Variants in CDC42BPA observed in about 807,000 individuals in gnomAD.
The protein encoded by CDC42BPA is CDC42 binding protein kinase alpha, also known as serine/threonine-protein kinase MRCK alpha.
CDC42BPA carries 80 observed loss-of-function variants against 223.5 expected under a neutral mutation model. The ratio of observed to expected loss-of-function variants is 0.36; its 90% confidence interval spans 0.30 to 0.43. The LOEUF is 0.43. Ranked by LOEUF, CDC42BPA falls within the 20% of genes least tolerant of loss-of-function variation. The pLI, the probability that CDC42BPA is intolerant of heterozygous loss-of-function variation, is 1.00. For synonymous variants in CDC42BPA, 694 were observed against 718.6 expected, an observed-to-expected ratio of 0.97 and a Z score of 0.55; for missense variants, 1,743 against 2,099.9, an observed-to-expected ratio of 0.83 and a Z score of 3.32.
intron 35 of CDC42BPA, among the ~76,000 whole-genome samples, chr1:227,002,322 T>TAAC (rs10667049): frequency 1.3e-5 from 2 of 149,682 alleles, no homozygotes; most frequent in Admixed American, 1.3e-4. Context: ...AATAAAAAGA[T>TAAC]TAATAAAAGT....
chr1:227,089,969 A>C (rs917558125), intron 16 of CDC42BPA, among the ~76,000 whole-genome samples: 9 of 152,158 alleles, frequency 5.9e-5, no homozygotes, highest in African/African-American at 2.2e-4. Context: ...ATAGGACAAA[A>C]TGACATTAAA....
chr1:227,303,010 T>G (rs1188495009), intron 1 of CDC42BPA, among the ~76,000 whole-genome samples: 1 of 151,438 alleles, frequency 6.6e-6, no homozygotes, highest in Non-Finnish European at 1.5e-5. Flanking sequence ...TTTTTGGGTT[T>G]TTTTTTTTTT....
rs185178242 is a variant in CDC42BPA at position 227,191,541 on chromosome 1, A to G, written c.599+2245T>C. 9.2e-5 allele frequency among the ~76,000 whole-genome samples: 14 copies of G among 152,284 alleles called. No homozygotes were observed. The East Asian group carries it at 2.5e-3, about 27-fold the overall frequency. ...TAACAAGCCTGGCAGAATGAAAGAT[A>G]CTACAAATACCTCATATTTACTTTC... On this transcript the variant is annotated intron_variant, in intron 5 of 36. Coordinates refer to ENST00000366766, the MANE Select transcript of CDC42BPA (RefSeq NM_001394014.1).
chr1:227,058,174 ATAAT>A (rs1674991592), intron 21 of CDC42BPA, among the ~76,000 whole-genome samples: 2 of 152,260 alleles, frequency 1.3e-5, no homozygotes, highest in African/African-American at 4.8e-5. Flanking sequence ...CATAAACACA[ATAAT>A]TAATGAGATA....
chr1:227,110,785 T>A (rs1357489783), intron 14 of CDC42BPA, among the ~76,000 whole-genome samples: 1 of 152,212 alleles, frequency 6.6e-6, no homozygotes, highest in Admixed American at 6.5e-5. Context: ...TAACCAGGAC[T>A]ATGAATTCAT....
At chr1:227,185,500 AG>A (rs990841413) in intron 5 of CDC42BPA, among the ~76,000 whole-genome samples, 3 of 152,096 alleles carry the variant, frequency 2.0e-5, no homozygotes, top group African/African-American at 7.2e-5. Context: ...TGGGAGGGCC[AG>A]TTTTTTCGCC....
At chr1:227,177,136 A>AT (rs5781473) in intron 5 of CDC42BPA, among the ~76,000 whole-genome samples, 57,477 of 147,496 alleles carry the variant, frequency 0.39, 11,116 homozygotes, top group Middle Eastern at 0.5. Context: ...AGAAAAAAAA[A>AT]ATATATATAT....
At chr1:227,143,470 C>A (rs1180992778) in intron 8 of CDC42BPA, among the ~76,000 whole-genome samples, 9 of 152,152 alleles carry the variant, frequency 5.9e-5, no homozygotes, top group Admixed American at 5.9e-4. Flanking sequence ...ATATTATAAA[C>A]AAGTGTCCTC....
chr1:227,275,536 A>G (rs1045097702), intron 1 of CDC42BPA, among the ~76,000 whole-genome samples: 1 of 21,380 alleles, frequency 4.7e-5, no homozygotes, highest in Non-Finnish European at 1.0e-4. Flanking sequence ...GAGTGCTGGA[A>G]AAAAAGACAG....
chr1:227,004,311 C>G (rs1045163545), intron 35 of CDC42BPA: 1 of 152,312 alleles, frequency 6.6e-6, no homozygotes, highest in African/African-American at 2.4e-5. Flanking sequence ...CATCCCAAGC[C>G]CTCATTGGTT....
chr1:227,038,123 T>C (rs536262511), intron 24 of CDC42BPA, among the ~76,000 whole-genome samples: 102 of 152,258 alleles, frequency 6.7e-4, no homozygotes, highest in Non-Finnish European at 1.1e-3. Context: ...TGGGAGGTAA[T>C]TGAATCATGG....
chr1:227,151,111 T>C (rs534100906), intron 6 of CDC42BPA, among the ~76,000 whole-genome samples: 22 of 152,222 alleles, frequency 1.4e-4, no homozygotes, highest in African/African-American at 5.3e-4. Flanking sequence ...CTCTAAAATT[T>C]TTTCATCTTG....
At position 227,318,438 on chromosome 1, in the gene CDC42BPA, C is replaced by G. The variant is rs1172935206; in HGVS notation, c.-1256G>C. 2 of 152,280 alleles carry G rather than the reference C, an allele frequency of 1.3e-5. No homozygotes were observed. The highest frequency in any genetic ancestry group is 2.4e-5 in the African/African-American group (1 of 41,408). 9.4% of individuals were successfully genotyped at this position (152,280 alleles called of 1,614,324 possible). A position where few individuals can be genotyped will look rare whatever the true frequency, so the allele number is the denominator to read the frequency against. On this transcript the variant is annotated 5_prime_UTR_variant, in exon 1 of 37. Transcript: ENST00000366766. ...CTCGCGCCCTGGGCTCAGCGAGGCT[C>G]CTCCAGTCCCGCCGCACAGAGGCGG... is the stretch of plus-strand genomic sequence containing the variant.
intron 21 of CDC42BPA, among the ~76,000 whole-genome samples, chr1:227,060,941 C>T (rs1342204914): frequency 1.3e-5 from 2 of 151,708 alleles, no homozygotes; most frequent in Non-Finnish European, 2.9e-5. Flanking sequence ...AGGCTGGTCT[C>T]GAACTCCTGA....
intron 1 of CDC42BPA, among the ~76,000 whole-genome samples, chr1:227,260,732 C>T (rs1157964820): frequency 2.6e-5 from 4 of 151,070 alleles, no homozygotes; most frequent in South Asian, 2.1e-4. Context: ...TCTTCTCTTT[C>T]GTCTCGAATT....
At chr1:227,201,032 GT>G (rs2150232296) in intron 3 of CDC42BPA, among the ~76,000 whole-genome samples, 1 of 152,146 alleles carries the variant, frequency 6.6e-6, no homozygotes, top group Non-Finnish European at 1.5e-5. Context: ...CTAATGGATT[GT>G]TTTTTCAAAT....
At position 227,294,777 on chromosome 1, in the gene CDC42BPA, G is replaced by A. The variant is rs556977679; in HGVS notation, c.178+22228C>T. Among the ~76,000 whole-genome samples, 261 of 108,722 alleles carry A rather than the reference G, an allele frequency of 2.4e-3. 47 individuals carry two copies. Among genetic ancestry groups the A allele is most frequent in the Admixed American group, 6.3e-3 (61 of 9,708 alleles). The allele number at this position is 108,722 out of a possible 152,430, so 71.3% of individuals were successfully genotyped here. On this transcript the variant is annotated intron_variant, in intron 1 of 36. Coordinates refer to ENST00000366766, the MANE Select transcript of CDC42BPA (RefSeq NM_001394014.1). ...CGGGAGGCTGAGGCAGGAGAATGGC[G>A]TGAACCCGGGAGGCGGAGCTTGCAG...
At chr1:227,096,921 A>G (rs891324162) in intron 15 of CDC42BPA, among the ~76,000 whole-genome samples, 1 of 152,152 alleles carries the variant, frequency 6.6e-6, no homozygotes, top group Admixed American at 6.5e-5. Context: ...CAAGCACCAC[A>G]AGTTCAATAT....
chr1:227,101,005 T>C lies in CDC42BPA; in HGVS notation c.2236A>G (p.Thr746Ala). ...TGTGATTCTTACCTTTCTCTTCTGG[T>C]TTTTTCCAATTTGTCTTTTAAAATC... ...IMILKDKLEK[T>A]RRESQSEREE... The change falls in exon 15 of 37, where the codon ACC (threonine) becomes GCC (alanine). Residue 746 changes from threonine to alanine, a missense_variant. Around this residue, in one of 6 missense-constraint regions of CDC42BPA, gnomAD observed 464 missense variants for 488.0 expected, o/e 0.95. Coordinates refer to ENST00000366766, the MANE Select transcript of CDC42BPA (RefSeq NM_001394014.1). 1 of 1,506,434 alleles carries C rather than the reference T, an allele frequency of 6.6e-7. No homozygotes were observed. The highest frequency in any genetic ancestry group is 9.2e-7 in the Non-Finnish European group (1 of 1,089,794). The allele number at this position is 1,506,434 out of a possible 1,614,324, so 93.3% of individuals were successfully genotyped here.
Sources: allele counts gnomAD v4.1 joint callset (sites outside exome capture counted in the v4.1 genomes callset), GRCh38; gene constraint gnomAD v4.1.1; regional missense constraint gnomAD v4.1.1; transcripts MANE v1.5; gene names NCBI Gene and HGNC (gene_info 2026-07-23, HGNC 2026-07-21).